ZBTB8A: variants seen among roughly 807,000 people sequenced by gnomAD.
ZBTB8A encodes zinc finger and BTB domain-containing protein 8A.
A neutral mutation model predicts 37.8 loss-of-function variants in ZBTB8A; 19 were observed. That is an observed-to-expected ratio of 0.50 (90% CI 0.35 to 0.74). ZBTB8A has a LOEUF of 0.74. Ranked by LOEUF, ZBTB8A falls within the 30% of genes least tolerant of loss-of-function variation. ZBTB8A has a pLI of 0.01. For missense variants in ZBTB8A, 394 were observed against 537.8 expected (o/e 0.73, Z 2.65); for synonymous variants, 181 against 185.2 (o/e 0.98, Z 0.19).
At chr1:32,549,269 G>A (rs973360906) in intron 1 of ZBTB8A, among the ~76,000 whole-genome samples, 2 of 152,080 alleles carry the variant, frequency 1.3e-5, no homozygotes, top group African/African-American at 2.4e-5. Flanking sequence ...CGAGGCGGGC[G>A]GATCACCTGA....
intron 2 of ZBTB8A, among the ~76,000 whole-genome samples, chr1:32,567,227 A>G (rs1258269705): frequency 6.6e-6 from 1 of 152,090 alleles, no homozygotes; most frequent in Non-Finnish European, 1.5e-5. Flanking sequence ...AGGAGGTGCT[A>G]CACACTTTTA....
At chr1:32,586,389 A>G (rs569315895) in intron 2 of ZBTB8A, among the ~76,000 whole-genome samples, 2 of 152,170 alleles carry the variant, frequency 1.3e-5, no homozygotes, top group East Asian at 1.9e-4. Flanking sequence ...TTAATTGACT[A>G]TCTGTTGTCT....
At position 32,545,233 on chromosome 1, in the gene ZBTB8A, AAAG is replaced by A. The variant is rs545630956; in HGVS notation, c.-84+5670_-84+5672del. On this transcript the variant is annotated intron_variant, in intron 1 of 4. Transcript: ENST00000373510. ...CATGGAAAAAAAAGAAAATATAGAA[AAAG>A]AAGAAGAAAAAAATTTTAAAAAATT... Among the ~76,000 whole-genome samples the A allele has an allele frequency of 4.1e-3, 631 of 152,336 alleles. 7 individuals are homozygous for A. The highest frequency in any genetic ancestry group is 0.014 in the African/African-American group (602 of 41,580).
intron 2 of ZBTB8A, among the ~76,000 whole-genome samples, chr1:32,560,615 CTTT>C (rs1170510859): frequency 9.7e-4 from 88 of 90,770 alleles, no homozygotes; most frequent in African/African-American, 3.7e-3. Context: ...TCTTTTCTTT[CTTT>C]TTTTTTTTTT....
At chr1:32,588,171 C>T (rs1644462734) in intron 2 of ZBTB8A, among the ~76,000 whole-genome samples, 1 of 152,016 alleles carries the variant, frequency 6.6e-6, no homozygotes, top group Non-Finnish European at 1.5e-5. Context: ...ATTAATCAAA[C>T]TTAAGGAGGG....
chr1:32,579,461 AAAAG>A (rs1312668257), intron 2 of ZBTB8A, among the ~76,000 whole-genome samples: 1 of 151,952 alleles, frequency 6.6e-6, no homozygotes, highest in Non-Finnish European at 1.5e-5. Flanking sequence ...AAAAAAAAAA[AAAAG>A]AAAAGAAAAA....
In ZBTB8A at chr1:32,577,372, G is replaced by A. The variant is rs111739332; in HGVS notation, c.-1-15559G>A. 6.5e-3 allele frequency among the ~76,000 whole-genome samples: 971 copies of A among 150,152 alleles called. 8 individuals are homozygous for A. The highest frequency in any genetic ancestry group is 0.017 in the South Asian group (82 of 4,730). ...ACTCTGTTGCCCAGGCTGGTGTTGA[G>A]CTCCTGAGCTCAGGCAATCCACCCG... On this transcript the variant is annotated intron_variant, in intron 2 of 4. Coordinates refer to ENST00000373510, the MANE Select transcript of ZBTB8A (RefSeq NM_001040441.3).
chr1:32,562,252 A>G (rs1278529499), intron 2 of ZBTB8A, among the ~76,000 whole-genome samples: 1 of 150,480 alleles, frequency 6.6e-6, no homozygotes, highest in African/African-American at 2.5e-5. Context: ...CACCCTGCCC[A>G]GCCCCTGAGC....
At chr1:32,572,756 G>T (rs1644331389) in intron 2 of ZBTB8A, among the ~76,000 whole-genome samples, 1 of 151,930 alleles carries the variant, frequency 6.6e-6, no homozygotes, top group Admixed American at 6.6e-5. Flanking sequence ...CATTTAATTT[G>T]TTGAATGTAT....
At chr1:32,554,800 A>T (rs1451149511) in intron 2 of ZBTB8A, among the ~76,000 whole-genome samples, 7 of 151,980 alleles carry the variant, frequency 4.6e-5, no homozygotes, top group Non-Finnish European at 8.8e-5. Flanking sequence ...TTAAACTGGG[A>T]TCCAGGCAAT....
At chr1:32,545,843 T>A (rs1196245724) in intron 1 of ZBTB8A, among the ~76,000 whole-genome samples, 2 of 152,224 alleles carry the variant, frequency 1.3e-5, no homozygotes, top group Non-Finnish European at 2.9e-5. Flanking sequence ...CTTTTGGAAA[T>A]GTTTCTCAAT....
intron 1 of ZBTB8A, among the ~76,000 whole-genome samples, chr1:32,548,155 A>G (rs2148214299): frequency 6.6e-6 from 1 of 151,338 alleles, no homozygotes; most frequent in Non-Finnish European, 1.5e-5. Context: ...AAAAAAAAAA[A>G]AAAAAAAGAA....
At position 32,603,778 on chromosome 1, in the gene ZBTB8A, T is replaced by G. The variant is rs1644595740; in HGVS notation, c.*3359T>G. The G allele has an allele frequency of 6.6e-6, 1 of 152,644 alleles. No homozygotes were observed. Among genetic ancestry groups the G allele is most frequent in the Non-Finnish European group, 1.5e-5 (1 of 68,040 alleles). The allele number at this position is 152,644 out of a possible 1,614,324, so 9.5% of individuals were successfully genotyped here. On this transcript the variant is annotated 3_prime_UTR_variant, in exon 5 of 5. Transcript: ENST00000373510. ...GAAATAATGCTTTCTCATAATTGTTTATAACGAGCATCAAACTATCCCCAC... is the reference window on the plus strand; with the variant it reads ...GAAATAATGCTTTCTCATAATTGTTGATAACGAGCATCAAACTATCCCCAC...
In ZBTB8A at chr1:32,575,226, C is replaced by CTTTT. The variant is rs778765276; in HGVS notation, c.-1-17688_-1-17685dup. 2.3e-4 allele frequency among the ~76,000 whole-genome samples: 23 copies of CTTTT among 100,986 alleles called. 1 individual carries two copies. Among genetic ancestry groups the CTTTT allele is most frequent in the African/African-American group, 7.3e-4 (18 of 24,612 alleles). The allele number at this position is 100,986 out of a possible 152,430, so 66.3% of individuals were successfully genotyped here. A position where few individuals can be genotyped will look rare whatever the true frequency, so the allele number is the denominator to read the frequency against. On this transcript the variant is annotated intron_variant, in intron 2 of 4. Transcript: ENST00000373510. ...TGTTCTTTTTGTTTTCTTTTCTTTCCTTTTTTTTTTTTTTTTTTTTGAGAC... is the reference window on the plus strand; with the variant it reads ...TGTTCTTTTTGTTTTCTTTTCTTTCCTTTTTTTTTTTTTTTTTTTTTTTTGAGAC...
intron 3 of ZBTB8A, 146 bp from the exon 4 acceptor site, chr1:32,594,908 A>AC: frequency 1.2e-6 from 1 of 850,450 alleles, no homozygotes; most frequent in Admixed American, 3.2e-5. Flanking sequence ...TTTTGGGCTA[A>AC]CCAACTCCTT....
At chr1:32,572,390 A>G (rs1298434695) in intron 2 of ZBTB8A, among the ~76,000 whole-genome samples, 1 of 150,914 alleles carries the variant, frequency 6.6e-6, no homozygotes, top group South Asian at 2.1e-4. Context: ...TTTTTCTTGT[A>G]TTAGGTTTTT....
At chr1:32,571,719 C>T (rs993710534) in intron 2 of ZBTB8A, among the ~76,000 whole-genome samples, 4 of 151,808 alleles carry the variant, frequency 2.6e-5, no homozygotes, top group Non-Finnish European at 5.9e-5. Flanking sequence ...GTATTACAGG[C>T]GTCCGCCACC....
chr1:32,546,796 G>A (rs2148212995), intron 1 of ZBTB8A, among the ~76,000 whole-genome samples: 1 of 152,312 alleles, frequency 6.6e-6, no homozygotes, highest in East Asian at 1.9e-4. Context: ...GAAACACGGA[G>A]GGCATAGCGG....
intron 2 of ZBTB8A, among the ~76,000 whole-genome samples, chr1:32,591,029 G>A (rs374896174): frequency 1.3e-5 from 2 of 149,558 alleles, no homozygotes; most frequent in Non-Finnish European, 3.0e-5. Context: ...AAATAACTGG[G>A]ATTACATGTG....
Sources: gnomAD v4.1 joint callset for allele counts (sites outside exome capture counted in the v4.1 genomes callset) on GRCh38, gnomAD v4.1.1 for gene constraint, MANE v1.5 for transcripts, NCBI Gene and HGNC (gene_info 2026-07-23, HGNC 2026-07-21) for gene names.